Variants in PALM2AKAP2 observed in about 807,000 individuals in gnomAD.
PALM2AKAP2 encodes the protein PALM2-AKAP2 fusion protein.
In PALM2AKAP2, 37 loss-of-function variants were observed where a neutral mutation model predicts 71.5. The ratio of observed to expected loss-of-function variants is 0.52; its 90% confidence interval spans 0.40 to 0.68. PALM2AKAP2 has a LOEUF of 0.68. Among genes scored for constraint, PALM2AKAP2 ranks in the 30% least tolerant of loss-of-function variants. The pLI is 0.00. For synonymous variants in PALM2AKAP2, 468 were observed against 478.8 expected (o/e 0.98, Z 0.29); for missense variants, 1,224 against 1,191.8 (o/e 1.03, Z -0.40).
At chr9:109,961,420 G>A (rs889801873) in intron 6 of PALM2AKAP2, among the ~76,000 whole-genome samples, 1 of 152,168 alleles carries the variant, frequency 6.6e-6, no homozygotes, top group African/African-American at 2.4e-5. Flanking sequence ...GTTGTAGCTG[G>A]GATCATGGAG....
At chr9:110,148,378 A>G (rs552475058) in intron 2 of PALM2AKAP2, 5 of 152,194 alleles carry the variant, frequency 3.3e-5, no homozygotes, top group Non-Finnish European at 7.3e-5. Context: ...AAGCAGTGGT[A>G]TTTCTCATTT....
intron 5 of PALM2AKAP2, among the ~76,000 whole-genome samples, chr9:109,931,640 C>T (rs561020497): frequency 6.4e-4 from 97 of 152,322 alleles, no homozygotes; most frequent in South Asian, 2.3e-3. Flanking sequence ...ATCTTCCCCC[C>T]GTCCCTGAAC....
chr9:110,066,562 G>A (rs550778680), intron 1 of PALM2AKAP2, among the ~76,000 whole-genome samples: 1 of 152,122 alleles, frequency 6.6e-6, no homozygotes, highest in Non-Finnish European at 1.5e-5. Flanking sequence ...GCTGGTCATG[G>A]TGGTGCACAC....
chr9:109,989,837 G>A (rs1334095529), intron 6 of PALM2AKAP2, among the ~76,000 whole-genome samples: 10 of 152,128 alleles, frequency 6.6e-5, no homozygotes, highest in African/African-American at 1.9e-4. Flanking sequence ...CATTCGCCAC[G>A]TGGGCATGTA....
chr9:110,043,034 C>T (rs1040002242), intron 7 of PALM2AKAP2, among the ~76,000 whole-genome samples: 3 of 152,086 alleles, frequency 2.0e-5, no homozygotes, highest in African/African-American at 7.2e-5. Flanking sequence ...TTAATCATCC[C>T]TACTCCTCTG....
intron 6 of PALM2AKAP2, among the ~76,000 whole-genome samples, chr9:109,968,665 C>T (rs982863498): frequency 6.6e-6 from 1 of 152,178 alleles, no homozygotes; most frequent in Non-Finnish European, 1.5e-5. Flanking sequence ...CCCAGTCCCC[C>T]AAATTTCTGG....
intron 1 of PALM2AKAP2, among the ~76,000 whole-genome samples, chr9:109,668,354 AT>A (rs1168105960): frequency 6.6e-6 from 1 of 152,178 alleles, no homozygotes; most frequent in Non-Finnish European, 1.5e-5. Context: ...GGAAAACTTA[AT>A]TTGCTGTTTC....
chr9:110,106,957 C>G (rs1438108534), intron 1 of PALM2AKAP2, among the ~76,000 whole-genome samples: 1 of 152,188 alleles, frequency 6.6e-6, no homozygotes, highest in Non-Finnish European at 1.5e-5. Flanking sequence ...GTGCAAGGCA[C>G]TCCTAATGGA....
Position 110,125,644 on chromosome 9 carries a change from T to G in PALM2AKAP2, c.157-10483T>G, listed in dbSNP as rs1375667341. 11 of 970,258 alleles carry G rather than the reference T, an allele frequency of 1.1e-5. No individual in the cohort carries two copies. In the East Asian group the frequency reaches 1.1e-3, roughly 101 times the overall value. 60.1% of individuals were successfully genotyped at this position (970,258 alleles called of 1,614,324 possible). On this transcript the variant is annotated intron_variant, in intron 1 of 3. Coordinates refer to ENST00000374525, the Ensembl canonical transcript of PALM2AKAP2. ...TCTTCGTGTCCTTTTCTTTCTAATT[T>G]GAAAGGACAGGGGTCTTTTTTTGAG... is the stretch of plus-strand genomic sequence containing the variant.
chr9:109,807,119 T>C (rs138858793), intron 1 of PALM2AKAP2, among the ~76,000 whole-genome samples: 2,082 of 140,508 alleles, frequency 0.015, 37 homozygotes, highest in Non-Finnish European at 0.018. Context: ...ATTTTTCTCA[T>C]CCAGTAGATC....
chr9:109,822,247 T>C (rs1828026187), intron 1 of PALM2AKAP2, among the ~76,000 whole-genome samples: 1 of 151,438 alleles, frequency 6.6e-6, no homozygotes, highest in Admixed American at 6.6e-5. Context: ...TTCATCTCTC[T>C]TCCCATCTTC....
intron 3 of PALM2AKAP2, among the ~76,000 whole-genome samples, chr9:110,157,140 G>C (rs1836477677): frequency 6.6e-6 from 1 of 152,108 alleles, no homozygotes; most frequent in Non-Finnish European, 1.5e-5. Context: ...TCTTTCTCCG[G>C]TTAGAGACAT....
At chr9:109,861,307 C>A (rs576646765) in intron 1 of PALM2AKAP2, among the ~76,000 whole-genome samples, 1 of 152,208 alleles carries the variant, frequency 6.6e-6, no homozygotes, top group Non-Finnish European at 1.5e-5. Flanking sequence ...TCTCAAGGAG[C>A]AAAAAGGTGG....
At chr9:110,023,621 C>T (rs1833117969) in intron 7 of PALM2AKAP2, among the ~76,000 whole-genome samples, 1 of 151,890 alleles carries the variant, frequency 6.6e-6, no homozygotes, top group Non-Finnish European at 1.5e-5. Flanking sequence ...GCTCCAGTGG[C>T]ACTTTCTAAC....
intron 1 of PALM2AKAP2, among the ~76,000 whole-genome samples, chr9:109,726,171 GCCTCC>G (rs1256030342): frequency 6.6e-6 from 1 of 152,140 alleles, no homozygotes; most frequent in Non-Finnish European, 1.5e-5. Context: ...TTTTATTCCA[GCCTCC>G]CTTTCCACTT....
intron 1 of PALM2AKAP2, among the ~76,000 whole-genome samples, chr9:109,841,249 A>C (rs1398413164): frequency 6.6e-6 from 1 of 151,452 alleles, no homozygotes; most frequent in Non-Finnish European, 1.5e-5. Context: ...CATCATTCTC[A>C]GCAAACTATC....
At chr9:109,771,972 C>T (rs1462327959) in intron 1 of PALM2AKAP2, 3 of 152,292 alleles carry the variant, frequency 2.0e-5, no homozygotes, top group Non-Finnish European at 4.4e-5. Flanking sequence ...AAAGCAAGAT[C>T]ACCTTTGCAG....
At chr9:109,894,808 G>T (rs1830163368) in intron 3 of PALM2AKAP2, among the ~76,000 whole-genome samples, 1 of 152,062 alleles carries the variant, frequency 6.6e-6, no homozygotes, top group South Asian at 2.1e-4. Context: ...GAGAGACACG[G>T]CCTCGCTCTG....
intron 6 of PALM2AKAP2, among the ~76,000 whole-genome samples, chr9:109,997,649 C>A (rs982793428): frequency 6.6e-6 from 1 of 152,204 alleles, no homozygotes; most frequent in African/African-American, 2.4e-5. Flanking sequence ...AAAGATGGAC[C>A]TTCCTGTTTC....
Sources: allele counts gnomAD v4.1 joint callset (sites outside exome capture counted in the v4.1 genomes callset), GRCh38; gene constraint gnomAD v4.1.1; transcripts MANE v1.5; gene names NCBI Gene and HGNC (gene_info 2026-07-23, HGNC 2026-07-21).